Variants in BCKDHB observed in about 807,000 individuals in gnomAD.
BCKDHB encodes the protein 2-oxoisovalerate dehydrogenase subunit beta, mitochondrial.
BCKDHB carries 41 observed loss-of-function variants against 48.5 expected under a neutral mutation model. The ratio of observed to expected loss-of-function variants is 0.85; its 90% confidence interval spans 0.66 to 1.10. The LOEUF (loss-of-function observed/expected upper bound fraction) is 1.10, where lower values mean the gene tolerates loss of function less well. Among genes scored for constraint, BCKDHB ranks in the 50% least tolerant of loss-of-function variants. The pLI is 0.00. For missense variants in BCKDHB, 496 were observed against 494.2 expected (o/e 1.00, Z -0.03); for synonymous variants, 201 against 174.8 (o/e 1.15, Z -1.18).
At chr6:80,116,464 T>A (rs1769709527) in intron 1 of BCKDHB, among the ~76,000 whole-genome samples, 1 of 152,242 alleles carries the variant, frequency 6.6e-6, no homozygotes, top group African/African-American at 2.4e-5. Context: ...TTGTGAGCAC[T>A]GAAGACACAG....
chr6:80,459,650 T>C, the BCKDHB span, among the ~76,000 whole-genome samples: 9 of 152,294 alleles, frequency 5.9e-5, no homozygotes, highest in African/African-American at 2.2e-4. Context: ...AATAATTTTT[T>C]AAAACCTTAA....
At chr6:80,268,703 C>T (rs912295268) in intron 8 of BCKDHB, among the ~76,000 whole-genome samples, 1 of 152,066 alleles carries the variant, frequency 6.6e-6, no homozygotes, top group Non-Finnish European at 1.5e-5. Flanking sequence ...TATGGTTTGC[C>T]TATCTGTATC....
At chr6:80,212,429 A>G (rs1308255837) in intron 8 of BCKDHB, among the ~76,000 whole-genome samples, 5 of 152,134 alleles carry the variant, frequency 3.3e-5, no homozygotes, top group African/African-American at 4.8e-5. Context: ...TGCAAGAAGA[A>G]AAATGTGGCT....
chr6:80,366,270 A>G, the BCKDHB span, among the ~76,000 whole-genome samples: 4 of 152,236 alleles, frequency 2.6e-5, no homozygotes, highest in African/African-American at 9.6e-5. Flanking sequence ...TCCATCTCTC[A>G]GCAACATCAG....
intron 9 of BCKDHB, among the ~76,000 whole-genome samples, chr6:80,278,025 T>C (rs1396170333): frequency 3.3e-5 from 5 of 152,150 alleles, no homozygotes; most frequent in Admixed American, 3.3e-4. Context: ...GATATCAATC[T>C]GAAAAGAGGG....
rs574868611 is a variant in BCKDHB at position 80,298,924 on chromosome 6, C to T, written c.1038+25703C>T. Among the ~76,000 whole-genome samples, 33 of 152,292 alleles carry T rather than the reference C, an allele frequency of 2.2e-4. No homozygotes were observed. The South Asian group carries it at 5.0e-3, about 23-fold the overall frequency. ...TTTCCCCCTTTAGGGAGAGAAAAAG[C>T]GCCCCATGTCCTATGGTCCCGTATA... On this transcript the variant is annotated intron_variant, in intron 9 of 9. Transcript: ENST00000320393.
Position 80,127,618 on chromosome 6 carries a change from A to C in BCKDHB, c.268A>C (p.Thr90Pro). The C allele has an allele frequency of 6.2e-7, 1 of 1,611,952 alleles. No homozygotes were observed. Among genetic ancestry groups the C allele is most frequent in the Non-Finnish European group, 8.5e-7 (1 of 1,178,188 alleles). ...ALDNSLAKDP[T>P]AVIFGEDVAF... ...GGATAACTCATTGGCCAAAGATCCT[A>C]CTGCAGGTAACCCTGATATGTGCCT... is the stretch of plus-strand genomic sequence containing the variant. Residue 90 changes from threonine to proline, a missense_variant, in exon 2 of 10, where the codon ACT (threonine) becomes CCT (proline). By Grantham distance (38) the Thr-to-Pro change is conservative (BLOSUM62 -1). Coordinates refer to ENST00000320393, the MANE Select transcript of BCKDHB (RefSeq NM_183050.4).
intron 1 of BCKDHB, among the ~76,000 whole-genome samples, chr6:80,112,404 C>A (rs1399360688): frequency 6.6e-6 from 1 of 152,184 alleles, no homozygotes. Context: ...ACACCACATG[C>A]TAACCAGGCC....
chr6:80,181,219 C>A (rs1019478929), intron 6 of BCKDHB, among the ~76,000 whole-genome samples: 1 of 151,920 alleles, frequency 6.6e-6, no homozygotes, highest in African/African-American at 2.4e-5. Context: ...GTTCTGATAC[C>A]CTCTTGAGTT....
At chr6:80,130,925 C>T (rs960167944) in intron 3 of BCKDHB, among the ~76,000 whole-genome samples, 1 of 152,182 alleles carries the variant, frequency 6.6e-6, no homozygotes, top group East Asian at 1.9e-4. Flanking sequence ...TTGCCTGACT[C>T]AGTGTAGTAG....
the BCKDHB span, among the ~76,000 whole-genome samples, chr6:80,372,168 T>C: frequency 3.8e-4 from 58 of 152,194 alleles, no homozygotes; most frequent in African/African-American, 1.4e-3. Context: ...AAGCAGTGTT[T>C]TGTAGTTTTT....
intron 6 of BCKDHB, among the ~76,000 whole-genome samples, chr6:80,180,158 A>T (rs550090011): frequency 6.6e-6 from 1 of 152,210 alleles, no homozygotes; most frequent in Admixed American, 6.5e-5. Context: ...TATATTCTTT[A>T]TGCAGCAATT....
the BCKDHB span, among the ~76,000 whole-genome samples, chr6:80,392,187 C>A: frequency 7.9e-5 from 12 of 151,876 alleles, no homozygotes; most frequent in Non-Finnish European, 1.8e-4. Context: ...AGAGGCAGGG[C>A]TCCACTATGT....
chr6:80,397,718 C>A, the BCKDHB span, among the ~76,000 whole-genome samples: 1 of 152,134 alleles, frequency 6.6e-6, no homozygotes, highest in Non-Finnish European at 1.5e-5. Flanking sequence ...CCCATCTCTA[C>A]TAAAAATACA....
intron 3 of BCKDHB, among the ~76,000 whole-genome samples, chr6:80,149,815 C>T (rs1312298681): frequency 1.8e-5 from 2 of 113,526 alleles, no homozygotes; most frequent in Non-Finnish European, 3.3e-5. Flanking sequence ...ACATTACACT[C>T]TGGGGACTGT....
chr6:80,466,675 G>A, the BCKDHB span, among the ~76,000 whole-genome samples: 2 of 152,024 alleles, frequency 1.3e-5, no homozygotes, highest in Non-Finnish European at 2.9e-5. Flanking sequence ...GAAAAAACAA[G>A]ACTTCATTCC....
chr6:80,351,832 T>G, the BCKDHB span, among the ~76,000 whole-genome samples: 1 of 150,514 alleles, frequency 6.6e-6, no homozygotes, highest in South Asian at 2.1e-4. Flanking sequence ...TTCTTTTTTT[T>G]TTTTTTGAGA....
At chr6:80,241,836 C>G (rs1200636144) in intron 8 of BCKDHB, among the ~76,000 whole-genome samples, 2 of 152,118 alleles carry the variant, frequency 1.3e-5, no homozygotes, top group African/African-American at 4.8e-5. Context: ...TTTAAATTTG[C>G]CTTTCTGTAA....
chr6:80,351,958 A>T, the BCKDHB span, among the ~76,000 whole-genome samples: 1 of 151,270 alleles, frequency 6.6e-6, no homozygotes, highest in Non-Finnish European at 1.5e-5. Flanking sequence ...AGTAGCTGGG[A>T]TTACAGGCAT....
Sources: allele counts gnomAD v4.1 joint callset (sites outside exome capture counted in the v4.1 genomes callset), GRCh38; gene constraint gnomAD v4.1.1; transcripts MANE v1.5; gene names NCBI Gene and HGNC (gene_info 2026-07-23, HGNC 2026-07-21).